The following USP28 variants were observed in gnomAD, a reference collection of about 807,000 sequenced individuals.
USP28 encodes ubiquitin specific peptidase 28, also known as ubiquitin carboxyl-terminal hydrolase 28.
Under a neutral mutation model 145.0 loss-of-function variants are expected in USP28, and 113 were observed. The ratio of observed to expected loss-of-function variants is 0.78; its 90% CI spans 0.67 to 0.91. The LOEUF (loss-of-function observed/expected upper bound fraction) is 0.91. Among genes scored for constraint, USP28 ranks in the 40% least tolerant of loss-of-function variants. USP28 has a pLI of 0.00. For synonymous variants in USP28, 447 were observed against 450.9 expected (o/e 0.99, Z 0.11); for missense variants, 1,201 against 1,289.6 (o/e 0.93, Z 1.05).
At chr11:113,852,437 T>C (rs1337092566) in intron 3 of USP28, 64 bp downstream of exon 3, 2 of 1,599,946 alleles carry the variant, frequency 1.3e-6, no homozygotes, top group Admixed American at 1.7e-5. Context: ...GGAACTCACA[T>C]ATACTTGGTT....
exon 2 of USP28, chr11:113,854,276 A>C: frequency 1.2e-6 from 2 of 1,614,054 alleles, no homozygotes; most frequent in Non-Finnish European, 1.7e-6. Context: ...CTTCATGGAG[A>C]AAGGAAGGGT....
intron 8 of USP28, 46 bp downstream of exon 8, chr11:113,831,874 C>T (rs1322813603): frequency 6.4e-7 from 1 of 1,567,388 alleles, no homozygotes; most frequent in South Asian, 1.1e-5. Context: ...TTCTCACTGG[C>T]CCACTGTGAG....
At chr11:113,836,749 C>T (rs148589317) in intron 5 of USP28, among the ~76,000 whole-genome samples, 214 of 152,258 alleles carry the variant, frequency 1.4e-3, no homozygotes, top group African/African-American at 4.9e-3. Context: ...ATCCTCATCT[C>T]GCCACAGGAG....
chr11:113,830,865 A>C lies in USP28; in HGVS notation c.910+2T>G. The C allele has an allele frequency of 3.1e-6, 5 of 1,612,554 alleles. No homozygotes were observed. Among genetic ancestry groups the C allele is most frequent in the Non-Finnish European group, 4.2e-6 (5 of 1,179,596 alleles). The stretch of plus-strand genomic sequence containing the variant: ...AATTAAAATTCAGAGCAGAGAATTT[A>C]CCTTCACGAACCCCTTCAGTCAGGA... On this transcript the variant is annotated splice_donor_variant, in intron 9 of 24. Transcript: ENST00000003302. LOFTEE classifies it high-confidence loss of function.
exon 18 of USP28, chr11:113,808,397 C>T (rs2465647): frequency 0.82 from 1,319,202 of 1,613,726 alleles, 541,032 homozygotes; most frequent in Admixed American, 0.88. Context: ...CATGCTCAGA[C>T]GACAAGCAGC....
chr11:113,837,067 C>G (rs1226619664), intron 5 of USP28, among the ~76,000 whole-genome samples: 1 of 152,214 alleles, frequency 6.6e-6, no homozygotes, highest in Admixed American at 6.5e-5. Context: ...AATACTGCAA[C>G]CTGTTCCCAC....
At chr11:113,827,756 G>A (rs796514109) in intron 10 of USP28, among the ~76,000 whole-genome samples, 11 of 152,230 alleles carry the variant, frequency 7.2e-5, no homozygotes, top group African/African-American at 1.9e-4. Context: ...AATTATGATC[G>A]AAGCAGCATG....
rs1324067127 is a variant in USP28, at chr11:113,829,347, T to G, written c.911-2A>C. The stretch of plus-strand genomic sequence containing the variant: ...TCTCATTGTTACAAAAGGGTTTTCC[T>G]AGGCAAAGAGAGAGACTTTTTAAAA... On this transcript the variant is annotated splice_acceptor_variant, in intron 9 of 24. Transcript: ENST00000003302. LOFTEE classifies it high-confidence loss of function. The G allele has an allele frequency of 1.2e-6, 2 of 1,613,954 alleles. No homozygotes were observed. Among genetic ancestry groups the G allele is most frequent in the African/African-American group, 2.7e-5 (2 of 74,924 alleles).
intron 12 of USP28, among the ~76,000 whole-genome samples, chr11:113,819,115 C>CT (rs1055207541): frequency 0.013 from 1,890 of 140,292 alleles, 37 homozygotes; most frequent in African/African-American, 0.039. Context: ...CATTTTTATT[C>CT]TTTTTTTTTT....
At chr11:113,815,471 G>A in intron 13 of USP28, 89 bp from the exon 14 acceptor site, 1 of 1,228,426 alleles carries the variant, frequency 8.1e-7, no homozygotes, top group Non-Finnish European at 1.1e-6. Context: ...GATGCTATAT[G>A]AAAAAGTACA....
chr11:113,800,193 G>A (rs1938713797), intron 24 of USP28, among the ~76,000 whole-genome samples: 1 of 152,126 alleles, frequency 6.6e-6, no homozygotes, highest in Non-Finnish European at 1.5e-5. Flanking sequence ...TTTTAGTAGA[G>A]ACGGGGTTTC....
chr11:113,805,095 T>C, intron 19 of USP28, 49 bp from the exon 21 acceptor site: 1 of 1,552,414 alleles, frequency 6.4e-7, no homozygotes, highest in Non-Finnish European at 8.8e-7. Flanking sequence ...TGTGGGCTTC[T>C]GCACACAGAA....
In USP28 at chr11:113,841,784, A is replaced by G; in HGVS notation, c.269-16T>C. ...TCTATAACTTCTGTAAGATAAACAGAAATTTAATTAGTCTATATATAGGAA... is the reference window on the plus strand; with the variant it reads ...TCTATAACTTCTGTAAGATAAACAGGAATTTAATTAGTCTATATATAGGAA... On this transcript the variant is annotated splice_polypyrimidine_tract_variant and intron_variant, in intron 3 of 24. Coordinates refer to ENST00000003302, the Ensembl canonical transcript of USP28. The G allele has an allele frequency of 6.4e-7, 1 of 1,564,488 alleles. No individual in the cohort carries two copies. Among genetic ancestry groups the G allele is most frequent in the Non-Finnish European group, 8.8e-7 (1 of 1,140,668 alleles).
intron 11 of USP28, among the ~76,000 whole-genome samples, chr11:113,826,695 G>A (rs998711987): frequency 7.9e-5 from 12 of 151,872 alleles, no homozygotes; most frequent in African/African-American, 1.9e-4. Context: ...CAAGGCAGGC[G>A]GATCACCTGA....
At chr11:113,852,751 G>T in intron 2 of USP28, 118 bp from the exon 3 acceptor site, 1 of 1,146,594 alleles carries the variant, frequency 8.7e-7, no homozygotes, top group Non-Finnish European at 1.2e-6. Context: ...TAATTCTAGG[G>T]TAGAATTATG....
intron 5 of USP28, among the ~76,000 whole-genome samples, chr11:113,834,726 T>C (rs1431931112): frequency 2.0e-5 from 3 of 152,118 alleles, no homozygotes; most frequent in South Asian, 2.1e-4. Flanking sequence ...CCAAAAGAAG[T>C]AGTTTATATA....
At chr11:113,810,722 C>A (rs1940838051) in intron 16 of USP28, among the ~76,000 whole-genome samples, 1 of 152,246 alleles carries the variant, frequency 6.6e-6, no homozygotes, top group Non-Finnish European at 1.5e-5. Flanking sequence ...GTTGCCCAGG[C>A]TGGGTGCAGT....
intron 10 of USP28, among the ~76,000 whole-genome samples, chr11:113,828,090 C>T (rs373494669): frequency 1.2e-4 from 19 of 152,304 alleles, no homozygotes; most frequent in African/African-American, 4.1e-4. Context: ...CTTTTCTATT[C>T]AATTCACCTG....
chr11:113,813,133 T>A (rs966873297), intron 15 of USP28, among the ~76,000 whole-genome samples: 2 of 152,344 alleles, frequency 1.3e-5, no homozygotes, highest in Non-Finnish European at 2.9e-5. Flanking sequence ...CAGAATCAAA[T>A]TAAATTTACA....
Sources: allele counts gnomAD v4.1 joint callset (sites outside exome capture counted in the v4.1 genomes callset), GRCh38; gene constraint gnomAD v4.1.1; transcripts MANE v1.5; gene names NCBI Gene and HGNC (gene_info 2026-07-23, HGNC 2026-07-21).